Variants in DOCK4 observed in about 807,000 individuals in gnomAD.
The protein encoded by DOCK4 is dedicator of cytokinesis protein 4.
In DOCK4, 97 loss-of-function variants were observed where a neutral mutation model predicts 268.1. The observed-to-expected ratio is 0.36, with a 90% CI of 0.31 to 0.43. The LOEUF is 0.43. Ranked by LOEUF, DOCK4 falls within the 20% of genes least tolerant of loss-of-function variation. The pLI is 1.00. For missense variants in DOCK4, 2,145 were observed against 2,455.7 expected (o/e 0.87, Z 2.67); for synonymous variants, 954 against 887.2 (o/e 1.08, Z -1.34).
intron 30 of DOCK4, among the ~76,000 whole-genome samples, chr7:111,803,863 A>C: frequency 6.6e-6 from 1 of 152,212 alleles, no homozygotes; most frequent in East Asian, 1.9e-4. Context: ...TTATGCTCTA[A>C]AAATACATTA....
At chr7:111,752,346 T>A (rs10234914) in intron 42 of DOCK4, among the ~76,000 whole-genome samples, 1 of 151,822 alleles carries the variant, frequency 6.6e-6, no homozygotes, top group Non-Finnish European at 1.5e-5. Flanking sequence ...GGAAAGCAAA[T>A]CTTTTAGGAG....
In DOCK4 at chr7:112,109,765, G is replaced by GA. The variant is rs1335845170; in HGVS notation, c.37+96336dup. ...TCATCTTTTTTTTTTTTTTTTTTGA[G>GA]ACGGAGTCTCGCTCTGTCGCCCAGG... On this transcript the variant is annotated intron_variant, in intron 1 of 52. Transcript: ENST00000428084. Among the ~76,000 whole-genome samples, 3 of 122,766 alleles carry GA rather than the reference G, an allele frequency of 2.4e-5. No homozygotes were observed. The East Asian group carries it at 7.2e-4, about 29-fold the overall frequency. The allele number at this position is 122,766 out of a possible 152,430, so 80.5% of individuals were successfully genotyped here. A position where few individuals can be genotyped will look rare whatever the true frequency, so the allele number is the denominator to read the frequency against.
rs142528729 is a variant in DOCK4, at chr7:111,901,404, T to C, written c.1317+273A>G. Among the ~76,000 whole-genome samples, 275 of 151,480 alleles carry C rather than the reference T, an allele frequency of 1.8e-3. 1 individual carries two copies. In the East Asian group the frequency reaches 0.027, roughly 15 times the overall value. On this transcript the variant is annotated intron_variant, in intron 14 of 52. Coordinates refer to ENST00000428084, the MANE Select transcript of DOCK4 (RefSeq NM_001363540.2). ...GTAAGAAAATTATTGACACAATGAA[T>C]TAAGCAAACTGTAAAAGTTGTTGTT...
At chr7:112,149,593 AAAG>A (rs1287341066) in intron 1 of DOCK4, among the ~76,000 whole-genome samples, 4 of 152,066 alleles carry the variant, frequency 2.6e-5, no homozygotes, top group African/African-American at 9.7e-5. Context: ...GAAGACTATC[AAAG>A]AAGAGAAGAT....
chr7:112,120,524 T>C (rs536547740), intron 1 of DOCK4, among the ~76,000 whole-genome samples: 2 of 152,282 alleles, frequency 1.3e-5, no homozygotes, highest in African/African-American at 4.8e-5. Context: ...CTAGTCATAC[T>C]AAAAGTAAAT....
intron 51 of DOCK4, among the ~76,000 whole-genome samples, chr7:111,733,440 T>C (rs547962404): frequency 6.6e-6 from 1 of 152,328 alleles, no homozygotes; most frequent in Admixed American, 6.5e-5. Context: ...TGTCAGCACG[T>C]GTCACATTCT....
chr7:111,813,176 C>T (rs1291923790), intron 27 of DOCK4, among the ~76,000 whole-genome samples: 1 of 152,100 alleles, frequency 6.6e-6, no homozygotes, highest in Non-Finnish European at 1.5e-5. Context: ...TTCTGAGATG[C>T]ATGTGTAATG....
At chr7:112,063,799 T>C (rs575431254) in intron 1 of DOCK4, among the ~76,000 whole-genome samples, 73 of 152,334 alleles carry the variant, frequency 4.8e-4, no homozygotes, top group Non-Finnish European at 8.5e-4. Context: ...TACTTATGTT[T>C]TACAGTGTTG....
intron 1 of DOCK4, among the ~76,000 whole-genome samples, chr7:112,036,806 G>A (rs148611399): frequency 0.014 from 2,149 of 151,750 alleles, 50 homozygotes; most frequent in African/African-American, 0.048. Context: ...AATTACAGGC[G>A]CCCACCACCA....
In DOCK4 at chr7:112,164,610, T is replaced by C. The variant is rs142878247; in HGVS notation, c.37+41492A>G. Reference sequence around the variant, plus strand: ...ATCTAAAATTCAACACATGGAAAAGTCTCTCATCTCTCCAATCTTAGAATT... The same window carrying C: ...ATCTAAAATTCAACACATGGAAAAGCCTCTCATCTCTCCAATCTTAGAATT... On this transcript the variant is annotated intron_variant, in intron 1 of 52. Coordinates refer to ENST00000428084, the MANE Select transcript of DOCK4 (RefSeq NM_001363540.2). Among the ~76,000 whole-genome samples the C allele has an allele frequency of 1.8e-4, 28 of 152,316 alleles. No homozygotes were observed. In the East Asian group the frequency reaches 5.4e-3, roughly 29 times the overall value.
intron 25 of DOCK4, chr7:111,840,755 T>C (rs1168186428): frequency 7.9e-7 from 1 of 1,260,964 alleles, no homozygotes. Flanking sequence ...GGATCTGCGT[T>C]TACTCACAGT....
chr7:111,777,720 A>C (rs1379763876), intron 36 of DOCK4, among the ~76,000 whole-genome samples: 2 of 152,264 alleles, frequency 1.3e-5, no homozygotes, highest in African/African-American at 4.8e-5. Flanking sequence ...AGGTAATTGA[A>C]TCATGGGGGA....
At chr7:111,868,745 C>T (rs1806186046) in intron 21 of DOCK4, among the ~76,000 whole-genome samples, 2 of 151,940 alleles carry the variant, frequency 1.3e-5, no homozygotes, top group South Asian at 4.1e-4. Flanking sequence ...TTTTATCATT[C>T]TGGAGTATGA....
chr7:111,880,334 G>C (rs1807277226), intron 16 of DOCK4, among the ~76,000 whole-genome samples: 1 of 152,150 alleles, frequency 6.6e-6, no homozygotes, highest in Non-Finnish European at 1.5e-5. Context: ...CTTTACCCTA[G>C]AATAGTATAT....
chr7:112,107,398 A>C (rs2729566), intron 1 of DOCK4, among the ~76,000 whole-genome samples: 4,732 of 152,306 alleles, frequency 0.031, 246 homozygotes, highest in African/African-American at 0.11. Flanking sequence ...ACTAGGGAGG[A>C]AGGCACACAG....
intron 1 of DOCK4, among the ~76,000 whole-genome samples, chr7:112,086,917 C>G (rs1586795741): frequency 6.6e-6 from 1 of 152,042 alleles, no homozygotes; most frequent in African/African-American, 2.4e-5. Context: ...CTGTCACTAC[C>G]AGCACCCCCA....
intron 1 of DOCK4, among the ~76,000 whole-genome samples, chr7:112,150,316 G>C (rs1425494063): frequency 1.3e-5 from 2 of 152,116 alleles, no homozygotes; most frequent in African/African-American, 4.8e-5. Flanking sequence ...ATTAGCCAAT[G>C]ACTAGGTAAT....
rs1396518456 is a variant in DOCK4, at chr7:111,994,190, G to A, written c.260C>T (p.Thr87Ile). The change falls in exon 5 of 53, where the codon ACA becomes ATA. Residue 87 changes from threonine (T) to isoleucine (I), a missense_variant. By Grantham distance (89) the Thr-to-Ile change is moderately conservative. This residue lies in a region of DOCK4 where 1,598 missense variants were observed against 1,986.7 expected (regional missense o/e 0.80). Coordinates refer to ENST00000428084, the MANE Select transcript of DOCK4 (RefSeq NM_001363540.2). The stretch of plus-strand genomic sequence containing the variant: ...GTCTCTTAATGTTGATGTCATTTCT[G>A]TGATAACAGAGTCTTCAGTGGGAAT... The part of the protein sequence containing the change: ...MVIPTEDSVI[T>I]EMTSTLRDWG... 2.5e-6 allele frequency: 4 copies of A among 1,606,928 alleles called. 1 individual carries two copies. In the Admixed American group the frequency reaches 6.7e-5, roughly 27 times the overall value.
At chr7:111,862,470 G>A (rs1397030069) in intron 23 of DOCK4, among the ~76,000 whole-genome samples, 2 of 147,444 alleles carry the variant, frequency 1.4e-5, no homozygotes, top group East Asian at 3.9e-4. Flanking sequence ...ACATTCATAT[G>A]GGAAAATCAT....
Sources: gnomAD v4.1 joint callset for allele counts (sites outside exome capture counted in the v4.1 genomes callset) on GRCh38, gnomAD v4.1.1 for gene constraint, gnomAD v4.1.1 regional missense constraint, MANE v1.5 for transcripts, NCBI Gene and HGNC (gene_info 2026-07-23, HGNC 2026-07-21) for gene names.